PTPRK: variants seen among roughly 807,000 people sequenced by gnomAD.
PTPRK encodes receptor-type tyrosine-protein phosphatase kappa.
Under a neutral mutation model 178.0 loss-of-function variants are expected in PTPRK, and 75 were observed. The ratio of observed to expected loss-of-function variants is 0.42; its 90% confidence interval spans 0.35 to 0.51. PTPRK has a LOEUF of 0.51. PTPRK is among the 20% of genes least tolerant of loss of function. PTPRK has a pLI of 0.02. For synonymous variants in PTPRK, 637 were observed against 620.6 expected (o/e 1.03, Z -0.39); for missense variants, 1,441 against 1,797.8 (o/e 0.80, Z 3.59).
chr6:128,236,706 G>GA (rs1813353046), intron 5 of PTPRK, among the ~76,000 whole-genome samples: 1 of 151,988 alleles, frequency 6.6e-6, no homozygotes, highest in South Asian at 2.1e-4. Flanking sequence ...CTACTTTCCA[G>GA]AAAACCTCAT....
At chr6:128,213,630 T>C (rs545263915) in intron 6 of PTPRK, among the ~76,000 whole-genome samples, 5 of 152,134 alleles carry the variant, frequency 3.3e-5, no homozygotes, top group Admixed American at 3.3e-4. Context: ...CTAAAAGCTG[T>C]GCTAGGGAAA....
At chr6:127,978,395 C>A (rs1455808660) in intron 25 of PTPRK, among the ~76,000 whole-genome samples, 1 of 152,120 alleles carries the variant, frequency 6.6e-6, no homozygotes, top group East Asian at 1.9e-4. Flanking sequence ...TTATAAGGGG[C>A]TTCCCCCTTT....
chr6:127,971,979 A>T (rs1438937555), intron 29 of PTPRK, among the ~76,000 whole-genome samples: 1 of 152,088 alleles, frequency 6.6e-6, no homozygotes, highest in East Asian at 1.9e-4. Flanking sequence ...CAGCACCCCA[A>T]TCAAAACCAA....
At chr6:128,045,690 A>T (rs1246359895) in intron 13 of PTPRK, among the ~76,000 whole-genome samples, 2 of 152,102 alleles carry the variant, frequency 1.3e-5, no homozygotes, top group African/African-American at 4.8e-5. Flanking sequence ...GTACTAAATA[A>T]TATTCTGAAT....
chr6:128,156,084 T>C (rs1407660539), intron 7 of PTPRK, among the ~76,000 whole-genome samples: 2 of 151,952 alleles, frequency 1.3e-5, no homozygotes, highest in Admixed American at 1.3e-4. Context: ...TAGTTTTGAC[T>C]ACATTTTTTT....
chr6:128,017,826 A>ATATATATATATG (rs1165169736), intron 13 of PTPRK, among the ~76,000 whole-genome samples: 2 of 132,072 alleles, frequency 1.5e-5, no homozygotes, highest in Non-Finnish European at 1.6e-5. Flanking sequence ...ATATATATAT[A>ATATATATATATG]TATATATTTG....
chr6:128,101,397 C>A (rs755910386), intron 7 of PTPRK, among the ~76,000 whole-genome samples: 1 of 152,050 alleles, frequency 6.6e-6, no homozygotes, highest in Admixed American at 6.6e-5. Context: ...AGTTTCCAGA[C>A]TAAAACCTTA....
intron 13 of PTPRK, among the ~76,000 whole-genome samples, chr6:128,035,227 G>T (rs146235059): frequency 6.6e-6 from 1 of 152,188 alleles, no homozygotes; most frequent in South Asian, 2.1e-4. Context: ...TTATCCAGGC[G>T]TTGTAGCAAG....
At chr6:128,053,175 CA>C (rs1284445125) in intron 13 of PTPRK, among the ~76,000 whole-genome samples, 51 of 151,556 alleles carry the variant, frequency 3.4e-4, no homozygotes, top group African/African-American at 9.2e-4. Context: ...CACACACACA[CA>C]CACACACCCC....
Position 127,973,630 on chromosome 6 carries a change from C to T in PTPRK, c.4133+34G>A, listed in dbSNP as rs1425828904. 3 of 1,607,194 alleles carry T rather than the reference C, an allele frequency of 1.9e-6. No homozygotes were observed. The Admixed American group carries it at 5.0e-5, about 27-fold the overall frequency. ...GAAAATGAGAAAATAAGCACCAAGG[C>T]CCCATGAATGACAGGCTGAGCTGCC... On this transcript the variant is annotated intron_variant, in intron 28 of 29. Transcript: ENST00000368226.
At chr6:128,028,708 T>C (rs949661066) in intron 13 of PTPRK, among the ~76,000 whole-genome samples, 2 of 152,230 alleles carry the variant, frequency 1.3e-5, no homozygotes, top group Admixed American at 6.5e-5. Flanking sequence ...ACATATCCTA[T>C]GTATTTTTAG....
At chr6:128,033,691 G>C (rs943263536) in intron 13 of PTPRK, among the ~76,000 whole-genome samples, 1 of 152,072 alleles carries the variant, frequency 6.6e-6, no homozygotes, top group African/African-American at 2.4e-5. Flanking sequence ...GGGCTACGTA[G>C]AGAGATCTAG....
intron 1 of PTPRK, among the ~76,000 whole-genome samples, chr6:128,509,289 T>C (rs1184260544): frequency 6.6e-6 from 1 of 152,146 alleles, no homozygotes; most frequent in African/African-American, 2.4e-5. Context: ...TAAAGTTTAT[T>C]TATACATACA....
At chr6:128,245,273 GAC>G (rs1554368725) in intron 3 of PTPRK, among the ~76,000 whole-genome samples, 35 of 152,140 alleles carry the variant, frequency 2.3e-4, no homozygotes, top group Non-Finnish European at 4.6e-4. Flanking sequence ...AGAAAAAGAA[GAC>G]ACAGAGTATT....
intron 1 of PTPRK, among the ~76,000 whole-genome samples, chr6:128,416,382 C>A (rs1473356535): frequency 6.6e-6 from 1 of 151,650 alleles, no homozygotes; most frequent in African/African-American, 2.4e-5. Flanking sequence ...TGGCTCACAC[C>A]TGTAATCCCA....
intron 1 of PTPRK, among the ~76,000 whole-genome samples, chr6:128,411,090 G>C (rs1282305952): frequency 6.6e-6 from 1 of 152,010 alleles, no homozygotes; most frequent in Admixed American, 6.6e-5. Context: ...ACAGGGTGCT[G>C]CCATGCTGCC....
At chr6:128,364,353 A>G (rs1286008787) in intron 2 of PTPRK, among the ~76,000 whole-genome samples, 1 of 152,026 alleles carries the variant, frequency 6.6e-6, no homozygotes, top group East Asian at 1.9e-4. Flanking sequence ...ATCTTGTCGT[A>G]TTATGGGGGA....
intron 2 of PTPRK, among the ~76,000 whole-genome samples, chr6:128,381,646 T>C (rs1421778436): frequency 6.6e-6 from 1 of 152,180 alleles, no homozygotes; most frequent in African/African-American, 2.4e-5. Flanking sequence ...ACTCTGTATT[T>C]CATTTCACTG....
At chr6:128,082,075 T>C (rs1268791890) in intron 10 of PTPRK, among the ~76,000 whole-genome samples, 1 of 152,108 alleles carries the variant, frequency 6.6e-6, no homozygotes, top group Admixed American at 6.6e-5. Flanking sequence ...AAGGATCTTC[T>C]ACCATTTTTT....
Sources: allele counts gnomAD v4.1 joint callset (sites outside exome capture counted in the v4.1 genomes callset), GRCh38; gene constraint gnomAD v4.1.1; transcripts MANE v1.5; gene names NCBI Gene and HGNC (gene_info 2026-07-23, HGNC 2026-07-21).